Variants in DNAH9 observed in about 807,000 individuals in gnomAD.
DNAH9 encodes DNAH9 variant protein.
A neutral mutation model predicts 471.6 loss-of-function variants in DNAH9; 345 were observed. That is an observed-to-expected ratio of 0.73 (90% CI 0.67 to 0.80). DNAH9 has a LOEUF of 0.80. Ranked by LOEUF, DNAH9 falls within the 30% of genes least tolerant of loss-of-function variation. DNAH9 has a pLI of 0.00. For synonymous variants in DNAH9, 2,093 were observed against 2,123.6 expected, an observed-to-expected ratio of 0.99 and a Z score of 0.40; for missense variants, 5,407 against 5,609.2, an observed-to-expected ratio of 0.96 and a Z score of 1.15.
rs754630628 is a variant in DNAH9, at chr17:11,669,155, G to A, written c.2823G>A (p.Val941=). 6 of 1,613,828 alleles carry A rather than the reference G, an allele frequency of 3.7e-6. No homozygotes were observed. The South Asian group carries it at 4.4e-5, about 12-fold the overall frequency. Reference sequence around the variant, plus strand: ...TCTATCCGTCTCTGGAGTCTGGAGTGAAGGGGGGTTTCTGTGACATTGTTG... The same window carrying A: ...TCTATCCGTCTCTGGAGTCTGGAGTAAAGGGGGGTTTCTGTGACATTGTTG... ...LVFYPSLESG[V]KGGFCDIVEG... Residue 941 remains valine (V), a synonymous_variant, in exon 16 of 69, where the codon GTG becomes GTA. Transcript: ENST00000262442.
intron 67 of DNAH9, among the ~76,000 whole-genome samples, chr17:11,959,963 A>C (rs2151450026): frequency 6.6e-6 from 1 of 152,328 alleles, no homozygotes; most frequent in East Asian, 1.9e-4. Context: ...TTATGTCTTA[A>C]AATAGTCCGG....
intron 49 of DNAH9, among the ~76,000 whole-genome samples, chr17:11,850,121 A>T (rs890313973): frequency 4.6e-5 from 7 of 152,174 alleles, no homozygotes; most frequent in African/African-American, 1.7e-4. Flanking sequence ...AAAAAGAAAA[A>T]TGTGGAGTAG....
In DNAH9 at chr17:11,632,594, A is replaced by C. The variant is rs758265641; in HGVS notation, c.1526A>C (p.Glu509Ala). ...TATATGGTGTCTCTTCAGGACTTTGAAAATGACGTCTCTGAATTTAACCAG... is the reference window on the plus strand; with the variant it reads ...TATATGGTGTCTCTTCAGGACTTTGCAAATGACGTCTCTGAATTTAACCAG... The part of the protein sequence containing the change: ...DCLYLQSTDF[E>A]NDVSEFNQKV... Residue 509 changes from glutamate (E) to alanine (A), a missense_variant, in exon 8 of 69, where the codon GAA (glutamate) becomes GCA (alanine). Around this residue, in one of 3 missense-constraint regions of DNAH9, gnomAD observed 767 missense variants for 692.5 expected, o/e 1.11. Transcript: ENST00000262442. 3.3e-5 allele frequency: 52 copies of C among 1,569,654 alleles called. No homozygotes were observed. Among genetic ancestry groups the C allele is most frequent in the Non-Finnish European group, 4.1e-5 (47 of 1,139,652 alleles).
intron 26 of DNAH9, among the ~76,000 whole-genome samples, chr17:11,710,024 G>C (rs77236593): frequency 0.029 from 4,407 of 152,104 alleles, 213 homozygotes; most frequent in African/African-American, 0.099. Context: ...ATTTGGAAAG[G>C]TTAGTATTCT....
At chr17:11,774,979 ACCTCCAAACGTTT>A (rs1420516916) in intron 38 of DNAH9, among the ~76,000 whole-genome samples, 1 of 152,130 alleles carries the variant, frequency 6.6e-6, no homozygotes, top group Non-Finnish European at 1.5e-5. Flanking sequence ...CATAACCGTC[ACCTCCAAACGTTT>A]CCTCACGTTC....
In DNAH9 at chr17:11,701,161, G is replaced by T. The variant is rs201091936; in HGVS notation, c.5065G>T (p.Ala1689Ser). ...GAACCATGTCCTTGGTCACATGAAG[G>T]CCACTGTGAGGCATGAGATGACAGA... ...WLNHVLGHMKATVRHEMTEGV... is the reference protein window; with the variant it reads ...WLNHVLGHMKSTVRHEMTEGV... Residue 1689 changes from alanine to serine, a missense_variant, in exon 24 of 69, where the codon GCC becomes TCC. Ala to Ser is a moderately conservative substitution (Grantham distance 99). Transcript: ENST00000262442. 3.5e-3 allele frequency: 5,581 copies of T among 1,614,094 alleles called. 225 individuals are homozygous for T. The South Asian group carries it at 0.057, about 17-fold the overall frequency.
Position 11,707,998 on chromosome 17 carries a change from CACACACACACACACACAGAGAGAGAG to C in DNAH9, c.5552+2815_5552+2840del, listed in dbSNP as rs1433261753. ...ACACACACACACACACACACACACA[CACACACACACACACACAGAGAGAGAG>C]AGAGAGAGAGAGAGAGAGAGAGAGA... is the stretch of plus-strand genomic sequence containing the variant. On this transcript the variant is annotated intron_variant, in intron 26 of 68. Coordinates refer to ENST00000262442, the MANE Select transcript of DNAH9 (RefSeq NM_001372.4). Among the ~76,000 whole-genome samples, 544 of 60,340 alleles carry C rather than the reference CACACACACACACACACAGAGAGAGAG, an allele frequency of 9.0e-3. 3 individuals are homozygous for C. Among genetic ancestry groups the C allele is most frequent in the African/African-American group, 0.02 (496 of 25,074 alleles). 39.6% of individuals were successfully genotyped at this position (60,340 alleles called of 152,430 possible).
intron 17 of DNAH9, among the ~76,000 whole-genome samples, chr17:11,677,112 A>G (rs1353378508): frequency 6.6e-6 from 1 of 152,122 alleles, no homozygotes; most frequent in East Asian, 1.9e-4. Flanking sequence ...ATATTCTGTA[A>G]GTACTGAGTA....
In DNAH9 at chr17:11,611,638, A is replaced by G; in HGVS notation, c.774-12A>G. On this transcript the variant is annotated splice_polypyrimidine_tract_variant and intron_variant, in intron 3 of 68. Coordinates refer to ENST00000262442, the MANE Select transcript of DNAH9 (RefSeq NM_001372.4). ...TGCTTCCCTGGATTCACCCTTCTTC[A>G]TGATATTGCAGGTATGAAGATCTGA... The G allele has an allele frequency of 6.2e-7, 1 of 1,613,076 alleles. No homozygotes were observed. Among genetic ancestry groups the G allele is most frequent in the East Asian group, 2.2e-5 (1 of 44,834 alleles).
intron 17 of DNAH9, among the ~76,000 whole-genome samples, chr17:11,676,275 C>CTT (rs67397847): frequency 0.011 from 829 of 73,782 alleles, no homozygotes; most frequent in African/African-American, 0.02. Context: ...CATTTCTGTT[C>CTT]TTTTTTTTTT....
Position 11,738,954 on chromosome 17 carries a change from T to A in DNAH9, c.5889T>A (p.Asn1963Lys). 6.2e-7 allele frequency: 1 copy of A among 1,614,088 alleles called. No individual in the cohort carries two copies. Among genetic ancestry groups the A allele is most frequent in the Non-Finnish European group, 8.5e-7 (1 of 1,179,950 alleles). Residue 1963 changes from asparagine to lysine, a missense_variant, in exon 29 of 69, where the codon AAT becomes AAA. Around this residue, in one of 3 missense-constraint regions of DNAH9, gnomAD observed 4,636 missense variants for 4,900.3 expected, o/e 0.95. Coordinates refer to ENST00000262442, the MANE Select transcript of DNAH9 (RefSeq NM_001372.4). The part of the protein sequence containing the change: ...FSFLGEEISL[N>K]PSVGIFITMN... Reference sequence around the variant, plus strand: ...TCCTTGGGGAGGAGATCAGCCTGAATCCTTCTGTCGGTATCTTCATCACCA... The same window carrying A: ...TCCTTGGGGAGGAGATCAGCCTGAAACCTTCTGTCGGTATCTTCATCACCA...
chr17:11,960,762 A>G (rs1441596803), intron 67 of DNAH9, among the ~76,000 whole-genome samples: 1 of 151,266 alleles, frequency 6.6e-6, no homozygotes, highest in Admixed American at 6.6e-5. Flanking sequence ...CCGTCTCCAG[A>G]AAAAAAAAGA....
chr17:11,839,365 A>C (rs1221881012), intron 49 of DNAH9, among the ~76,000 whole-genome samples: 2 of 150,738 alleles, frequency 1.3e-5, no homozygotes, highest in Non-Finnish European at 3.0e-5. Flanking sequence ...AAATACAAAA[A>C]ATTAGCCGGG....
At chr17:11,612,039 TG>T (rs1201540152) in intron 4 of DNAH9, 41 of 600,876 alleles carry the variant, frequency 6.8e-5, no homozygotes, top group Non-Finnish European at 1.2e-4. Flanking sequence ...GTGTTGGTTA[TG>T]GGGCATACAC....
chr17:11,732,003 A>G (rs2075278417), intron 28 of DNAH9, among the ~76,000 whole-genome samples: 1 of 152,114 alleles, frequency 6.6e-6, no homozygotes, highest in South Asian at 2.1e-4. Flanking sequence ...GAACTAGTTT[A>G]CAGTTCTCAC....
rs950122308 is a variant in DNAH9 at position 11,898,709 on chromosome 17, A to C, written c.11407-4010A>C. 3.9e-5 allele frequency among the ~76,000 whole-genome samples: 6 copies of C among 152,226 alleles called. 1 individual carries two copies. The highest frequency in any genetic ancestry group is 8.8e-5 in the Non-Finnish European group (6 of 68,034). On this transcript the variant is annotated intron_variant, in intron 59 of 68. Transcript: ENST00000262442. Reference sequence around the variant, plus strand: ...AACTTTCAGGAACTGTGAGTTGTGCAGTTTGGACCAAGTCCAGTTGCCTCT... The same window carrying C: ...AACTTTCAGGAACTGTGAGTTGTGCCGTTTGGACCAAGTCCAGTTGCCTCT...
intron 49 of DNAH9, among the ~76,000 whole-genome samples, chr17:11,845,266 TG>T (rs1305170595): frequency 1.6e-5 from 1 of 64,514 alleles, no homozygotes; most frequent in African/African-American, 4.3e-5. Flanking sequence ...TTTGGTTTTT[TG>T]TTCTTGCGAT....
chr17:11,627,428 C>T (rs2150667844), intron 6 of DNAH9, among the ~76,000 whole-genome samples: 1 of 152,216 alleles, frequency 6.6e-6, no homozygotes, highest in African/African-American at 2.4e-5. Flanking sequence ...CGAAGTATTT[C>T]CTAGAAATTG....
chr17:11,881,132 A>G, intron 54 of DNAH9, 77 bp from the exon 55 acceptor site: 2 of 1,385,104 alleles, frequency 1.4e-6, no homozygotes. Context: ...ATATTGTTTG[A>G]AAAAAATCTC....
Sources: allele counts gnomAD v4.1 joint callset (sites outside exome capture counted in the v4.1 genomes callset), GRCh38; gene constraint gnomAD v4.1.1; regional missense constraint gnomAD v4.1.1; transcripts MANE v1.5; gene names NCBI Gene and HGNC (gene_info 2026-07-23, HGNC 2026-07-21).